The following CPEB3 variants were observed in gnomAD, a reference collection of about 807,000 sequenced individuals.
CPEB3 encodes the protein cytoplasmic polyadenylation element-binding protein 3.
Under a neutral mutation model 67.2 loss-of-function variants are expected in CPEB3, and 20 were observed. That is an observed-to-expected ratio of 0.30 (90% CI 0.21 to 0.43). The LOEUF (loss-of-function observed/expected upper bound fraction) is 0.43, where lower values mean the gene tolerates loss of function less well. Among genes scored for constraint, CPEB3 ranks in the 20% least tolerant of loss-of-function variants. The probability of loss-of-function intolerance (pLI) is 1.00; values close to 1 mark genes in which losing one functional copy is unlikely to be tolerated. For synonymous variants in CPEB3, 376 were observed against 393.1 expected (o/e 0.96, Z 0.51); for missense variants, 746 against 968.6 (o/e 0.77, Z 3.05).
intron 4 of CPEB3, among the ~76,000 whole-genome samples, chr10:92,166,757 A>C (rs184691951): frequency 1.8e-4 from 27 of 152,324 alleles, no homozygotes; most frequent in African/African-American, 6.3e-4. Flanking sequence ...GCTTAAACTC[A>C]AAGTCACCAG....
intron 7 of CPEB3, among the ~76,000 whole-genome samples, chr10:92,108,073 G>A (rs1345068172): frequency 6.6e-6 from 1 of 152,190 alleles, no homozygotes; most frequent in Non-Finnish European, 1.5e-5. Context: ...ACAGGAGTTT[G>A]AGGGGAAACG....
intron 9 of CPEB3, among the ~76,000 whole-genome samples, chr10:92,058,668 G>C (rs549370705): frequency 9.2e-5 from 14 of 151,484 alleles, no homozygotes; most frequent in African/African-American, 3.4e-4. Context: ...GCAAATATTA[G>C]TGCTAAAGAG....
intron 4 of CPEB3, among the ~76,000 whole-genome samples, chr10:92,178,350 G>A (rs1848316560): frequency 6.6e-6 from 1 of 151,904 alleles, no homozygotes; most frequent in South Asian, 2.1e-4. Flanking sequence ...GTAGAGACGG[G>A]GTTTCTCCAC....
intron 6 of CPEB3, among the ~76,000 whole-genome samples, chr10:92,118,053 A>G (rs1845130955): frequency 1.3e-5 from 2 of 152,222 alleles, no homozygotes; most frequent in Non-Finnish European, 2.9e-5. Flanking sequence ...AAAAATGGCA[A>G]GATAAACTTT....
intron 6 of CPEB3, among the ~76,000 whole-genome samples, chr10:92,134,007 G>A (rs1178160831): frequency 6.6e-6 from 1 of 152,114 alleles, no homozygotes; most frequent in East Asian, 1.9e-4. Flanking sequence ...AGGTATTGAT[G>A]GAACATATCT....
At chr10:92,212,016 G>C (rs934002924) in intron 2 of CPEB3, among the ~76,000 whole-genome samples, 4 of 145,312 alleles carry the variant, frequency 2.8e-5, no homozygotes, top group African/African-American at 7.7e-5. Context: ...ACAGGCACCC[G>C]CCACCACTCC....
intron 9 of CPEB3, among the ~76,000 whole-genome samples, chr10:92,053,520 C>G (rs551347296): frequency 6.7e-6 from 1 of 150,088 alleles, no homozygotes; most frequent in Non-Finnish European, 1.5e-5. Flanking sequence ...TGCGCCACCA[C>G]GCTCGGCTAA....
chr10:92,216,464 CG>C, intron 2 of CPEB3: 1 of 1,612,808 alleles, frequency 6.2e-7, no homozygotes, highest in Non-Finnish European at 8.5e-7. Flanking sequence ...CCGCCTCAAG[CG>C]GAAGCTCTAC....
At chr10:92,077,229 T>C (rs1208478342) in intron 9 of CPEB3, among the ~76,000 whole-genome samples, 4 of 152,018 alleles carry the variant, frequency 2.6e-5, no homozygotes, top group Non-Finnish European at 4.4e-5. Flanking sequence ...AGGAGAAAGA[T>C]GAATAAAAAT....
chr10:92,130,581 C>T (rs1845799645), intron 6 of CPEB3, among the ~76,000 whole-genome samples: 1 of 151,794 alleles, frequency 6.6e-6, no homozygotes, highest in Admixed American at 6.6e-5. Context: ...CATGGCCTCC[C>T]ACTCTGCTAG....
chr10:92,105,715 GTTTTT>G (rs999673116), intron 7 of CPEB3, among the ~76,000 whole-genome samples: 3 of 109,704 alleles, frequency 2.7e-5, no homozygotes, highest in African/African-American at 1.1e-4. Flanking sequence ...TGTTTTGTGG[GTTTTT>G]TTTTTTTTTT....
At chr10:92,209,923 C>CAG (rs1207770633) in intron 2 of CPEB3, among the ~76,000 whole-genome samples, 3 of 113,648 alleles carry the variant, frequency 2.6e-5, no homozygotes, top group African/African-American at 1.0e-4. Context: ...GCCTGGGCGA[C>CAG]AGAGCTAGGC....
chr10:92,278,601 C>CTTTTT (rs1294501874), intron 1 of CPEB3, among the ~76,000 whole-genome samples: 2 of 129,224 alleles, frequency 1.5e-5, no homozygotes, highest in African/African-American at 5.8e-5. Flanking sequence ...TTGACTGGTT[C>CTTTTT]TTTTTTTTTT....
At chr10:92,188,376 C>T (rs1387285056) in intron 3 of CPEB3, among the ~76,000 whole-genome samples, 2 of 139,654 alleles carry the variant, frequency 1.4e-5, no homozygotes, top group African/African-American at 2.7e-5. Flanking sequence ...TACCTTATTC[C>T]GTTACAGCCA....
intron 6 of CPEB3, among the ~76,000 whole-genome samples, chr10:92,129,229 G>C (rs2133695187): frequency 6.6e-6 from 1 of 152,262 alleles, no homozygotes; most frequent in South Asian, 2.1e-4. Context: ...CCTTAGCAAA[G>C]TAGTGAACAG....
Position 92,160,296 on chromosome 10 carries a change from G to A in CPEB3, c.1223-15211C>T, listed in dbSNP as rs182469274. ...AGCTATTACTGTTTACATAACTTAC[G>A]AAAGGGGATGCATTCCAAAAACAAT... On this transcript the variant is annotated intron_variant, in intron 4 of 9. Coordinates refer to ENST00000265997, the MANE Select transcript of CPEB3 (RefSeq NM_014912.5). Among the ~76,000 whole-genome samples, 908 of 152,210 alleles carry A rather than the reference G, an allele frequency of 6.0e-3. 5 individuals are homozygous for A. The highest frequency in any genetic ancestry group is 0.01 in the Non-Finnish European group (701 of 68,002).
At chr10:92,081,632 G>T in intron 8 of CPEB3, 131 bp from the exon 9 acceptor site, 1 of 783,510 alleles carries the variant, frequency 1.3e-6, no homozygotes, top group Non-Finnish European at 2.0e-6. Context: ...GTATCATGAA[G>T]AATGTCCACA....
At chr10:92,169,118 T>A (rs1253587880) in intron 4 of CPEB3, among the ~76,000 whole-genome samples, 2 of 149,514 alleles carry the variant, frequency 1.3e-5, no homozygotes, top group Non-Finnish European at 3.0e-5. Context: ...CCTTTATAAA[T>A]TACTGAGTCT....
chr10:92,176,778 G>A (rs1564839675), intron 4 of CPEB3, among the ~76,000 whole-genome samples: 1 of 152,196 alleles, frequency 6.6e-6, no homozygotes, highest in African/African-American at 2.4e-5. Context: ...CAGCATAATA[G>A]AGGAAAAGTC....
Sources: allele counts gnomAD v4.1 joint callset (sites outside exome capture counted in the v4.1 genomes callset), GRCh38; gene constraint gnomAD v4.1.1; transcripts MANE v1.5; gene names NCBI Gene and HGNC (gene_info 2026-07-23, HGNC 2026-07-21).